Variants in PPA2 observed in about 807,000 individuals in gnomAD.
PPA2 encodes inorganic pyrophosphatase 2, also known as inorganic pyrophosphatase 2, mitochondrial.
Under a neutral mutation model 49.5 loss-of-function variants are expected in PPA2, and 48 were observed. That is an observed-to-expected ratio of 0.97 (90% CI 0.77 to 1.23). The LOEUF (loss-of-function observed/expected upper bound fraction) is 1.23, where lower values mean the gene tolerates loss of function less well. Ranked by LOEUF, PPA2 falls within the 50% of genes most tolerant of loss-of-function variation. The pLI, the probability that PPA2 is intolerant of heterozygous loss-of-function variation, is 0.00. For synonymous variants in PPA2, 131 were observed against 139.9 expected (o/e 0.94, Z 0.45); for missense variants, 429 against 410.1 (o/e 1.05, Z -0.40).
intron 1 of PPA2, among the ~76,000 whole-genome samples, chr4:105,462,980 T>G (rs1560643968): frequency 6.6e-6 from 1 of 152,156 alleles, no homozygotes; most frequent in African/African-American, 2.4e-5. Context: ...ATCAGCAGCA[T>G]GAAAATAAAC....
chr4:105,456,657 T>C (rs1451842132), intron 2 of PPA2, 24 bp downstream of exon 2: 1 of 1,557,604 alleles, frequency 6.4e-7, no homozygotes, highest in Non-Finnish European at 8.8e-7. Flanking sequence ...ACGTTTTCAT[T>C]CCCAAAACAA....
rs549615687 is a variant in PPA2, at chr4:105,391,643, G to T, written c.869+4606C>A. 4.2e-4 allele frequency among the ~76,000 whole-genome samples: 64 copies of T among 152,118 alleles called. 1 individual carries two copies. The South Asian group carries it at 0.012, about 30-fold the overall frequency. ...AGAGGTGACATCTAAACTGCTTCTC[G>T]AAAAAATGAAGATGTCCACCAAAGA... On this transcript the variant is annotated intron_variant, in intron 9 of 11. Coordinates refer to ENST00000341695, the MANE Select transcript of PPA2 (RefSeq NM_176869.3).
At chr4:105,370,603 A>C in intron 11 of PPA2, 1 of 979,328 alleles carries the variant, frequency 1.0e-6, no homozygotes, top group South Asian at 4.7e-5. Context: ...AAAAAAAGTC[A>C]CCGTACAATC....
chr4:105,418,174 C>T (rs1405332729), intron 7 of PPA2, among the ~76,000 whole-genome samples: 2 of 152,306 alleles, frequency 1.3e-5, no homozygotes, highest in Non-Finnish European at 2.9e-5. Flanking sequence ...CAAGCCAGTA[C>T]ATTCTGCTGT....
chr4:105,390,258 A>C (rs1733857669), intron 9 of PPA2, among the ~76,000 whole-genome samples: 1 of 152,220 alleles, frequency 6.6e-6, no homozygotes, highest in South Asian at 2.1e-4. Context: ...ATGGGCAAAG[A>C]CTTCATGACT....
At chr4:105,469,140 T>C (rs992250659) in intron 1 of PPA2, among the ~76,000 whole-genome samples, 3 of 152,206 alleles carry the variant, frequency 2.0e-5, no homozygotes, top group Admixed American at 6.5e-5. Context: ...TTTAATAGGA[T>C]ATTTATTATA....
intron 7 of PPA2, among the ~76,000 whole-genome samples, chr4:105,402,675 G>A (rs752695390): frequency 8.5e-5 from 13 of 152,304 alleles, no homozygotes; most frequent in Non-Finnish European, 1.5e-4. Flanking sequence ...CTTTGGGATG[G>A]TTTTGGGCAG....
intron 1 of PPA2, among the ~76,000 whole-genome samples, chr4:105,470,083 G>C (rs1723460273): frequency 6.6e-6 from 1 of 152,188 alleles, no homozygotes; most frequent in Non-Finnish European, 1.5e-5. Context: ...AAGTAAACCA[G>C]TTGCCTATCC....
At chr4:105,450,598 A>ATTTTTTTTT (rs1560637285) in intron 3 of PPA2, among the ~76,000 whole-genome samples, 2 of 63,316 alleles carry the variant, frequency 3.2e-5, no homozygotes, top group African/African-American at 5.3e-5. Context: ...CTGGTCTGGA[A>ATTTTTTTTT]TTCTTTTTTT....
chr4:105,426,990 T>C (rs150238453), intron 6 of PPA2, among the ~76,000 whole-genome samples: 1 of 152,276 alleles, frequency 6.6e-6, no homozygotes, highest in East Asian at 1.9e-4. Context: ...GTGCCCCCTC[T>C]GGGACGAAGT....
intron 6 of PPA2, among the ~76,000 whole-genome samples, chr4:105,424,782 T>G (rs1278721244): frequency 6.6e-6 from 1 of 151,924 alleles, no homozygotes; most frequent in African/African-American, 2.4e-5. Flanking sequence ...AAATGGAGGA[T>G]GAGGCAGCTG....
intron 7 of PPA2, among the ~76,000 whole-genome samples, chr4:105,409,618 AC>A (rs1722657153): frequency 6.6e-6 from 1 of 152,234 alleles, no homozygotes; most frequent in African/African-American, 2.4e-5. Context: ...ATGTAGCCGG[AC>A]TGGCAGACAC....
rs2110290015 is a variant in PPA2 at position 105,438,006 on chromosome 4, T to C, written c.472A>G (p.Ser158Gly). 6.2e-7 allele frequency: 1 copy of C among 1,606,902 alleles called. No homozygotes were observed. Among genetic ancestry groups the C allele is most frequent in the Admixed American group, 1.7e-5 (1 of 58,336 alleles). Reference protein sequence around the residue: ...TWEDPHEKDKSTNCFGDNDPI... With the variant: ...TWEDPHEKDKGTNCFGDNDPI... ...TCATTATCTCCAAAGCAGTTCGTGC[T>C]CTTATCTTTTTCATGGGGATCTTCC... is the stretch of plus-strand genomic sequence containing the variant. The change falls in exon 6 of 12, where the codon AGC becomes GGC. Residue 158 changes from serine (S) to glycine (G), a missense_variant. Ser to Gly is a moderately conservative substitution (Grantham distance 56). Coordinates refer to ENST00000341695, the MANE Select transcript of PPA2 (RefSeq NM_176869.3).
chr4:105,449,172 C>G (rs934894152), intron 4 of PPA2, among the ~76,000 whole-genome samples, 178 bp downstream of exon 4: 9 of 103,278 alleles, frequency 8.7e-5, no homozygotes, highest in African/African-American at 2.8e-4. Flanking sequence ...AGCCGAGATC[C>G]CGCCACTGCA....
intron 3 of PPA2, among the ~76,000 whole-genome samples, chr4:105,451,258 A>C (rs1722665843): frequency 1.3e-5 from 2 of 152,188 alleles, no homozygotes; most frequent in Non-Finnish European, 2.9e-5. Context: ...TGTAACATGG[A>C]ATGCTGTTAT....
chr4:105,378,601 T>C (rs1343489793), intron 10 of PPA2, among the ~76,000 whole-genome samples: 1 of 152,128 alleles, frequency 6.6e-6, no homozygotes, highest in East Asian at 1.9e-4. Context: ...GATGAAGTCC[T>C]ATTTATCATT....
At chr4:105,430,822 A>G (rs914440380) in intron 6 of PPA2, among the ~76,000 whole-genome samples, 7 of 152,244 alleles carry the variant, frequency 4.6e-5, no homozygotes, top group Admixed American at 2.6e-4. Flanking sequence ...TTTACCAAAC[A>G]GACACTGTGT....
At chr4:105,425,631 G>A (rs575221452) in intron 6 of PPA2, among the ~76,000 whole-genome samples, 1 of 151,594 alleles carries the variant, frequency 6.6e-6, no homozygotes, top group Non-Finnish European at 1.5e-5. Flanking sequence ...GGAAAGAGGA[G>A]GCCAAAAAAT....
chr4:105,385,850 C>T, intron 10 of PPA2, among the ~76,000 whole-genome samples: 1 of 150,660 alleles, frequency 6.6e-6, no homozygotes, highest in Non-Finnish European at 1.5e-5. Context: ...TTTTCTTAAG[C>T]TGAAAAACAT....
Sources: allele counts gnomAD v4.1 joint callset (sites outside exome capture counted in the v4.1 genomes callset), GRCh38; gene constraint gnomAD v4.1.1; transcripts MANE v1.5; gene names NCBI Gene and HGNC (gene_info 2026-07-23, HGNC 2026-07-21).